Variants in SPATA6 observed in about 807,000 individuals in gnomAD.
SPATA6 encodes spermatogenesis-associated protein 6.
In SPATA6, 56 loss-of-function variants were observed where a neutral mutation model predicts 65.3. The ratio of observed to expected loss-of-function variants is 0.86; its 90% CI spans 0.69 to 1.07. The LOEUF (loss-of-function observed/expected upper bound fraction) is 1.07, where lower values mean the gene tolerates loss of function less well. Among genes scored for constraint, SPATA6 ranks in the 50% least tolerant of loss-of-function variants. SPATA6 has a pLI of 0.00. For synonymous variants in SPATA6, 199 were observed against 213.2 expected, an observed-to-expected ratio of 0.93 and a Z score of 0.58; for missense variants, 590 against 594.8, an observed-to-expected ratio of 0.99 and a Z score of 0.08.
At chr1:48,377,548 T>C (rs897364443) in intron 9 of SPATA6, among the ~76,000 whole-genome samples, 1 of 152,170 alleles carries the variant, frequency 6.6e-6, no homozygotes, top group Non-Finnish European at 1.5e-5. Context: ...TCTCAGTACA[T>C]AATGTCAAAG....
chr1:48,397,955 T>A (rs1466658045), intron 7 of SPATA6, among the ~76,000 whole-genome samples: 1 of 151,668 alleles, frequency 6.6e-6, no homozygotes, highest in African/African-American at 2.4e-5. Context: ...TAATGTGGCT[T>A]ACCCCTAAAA....
chr1:48,412,240 A>G (rs1652314609), intron 4 of SPATA6, among the ~76,000 whole-genome samples: 2 of 152,202 alleles, frequency 1.3e-5, no homozygotes, highest in South Asian at 4.1e-4. Context: ...ATCAGAAATG[A>G]AACTAGCCTC....
At chr1:48,391,574 CT>C (rs1268226759) in intron 8 of SPATA6, among the ~76,000 whole-genome samples, 1 of 152,086 alleles carries the variant, frequency 6.6e-6, no homozygotes, top group African/African-American at 2.4e-5. Flanking sequence ...ACAAATTAAT[CT>C]ATTACTTTGA....
intron 11 of SPATA6, among the ~76,000 whole-genome samples, chr1:48,314,306 G>C (rs1645330869): frequency 6.6e-6 from 1 of 152,080 alleles, no homozygotes; most frequent in Non-Finnish European, 1.5e-5. Flanking sequence ...GCACTCCTCA[G>C]CAAATGTAAA....
At chr1:48,401,099 C>A (rs566025884) in intron 6 of SPATA6, among the ~76,000 whole-genome samples, 4 of 151,972 alleles carry the variant, frequency 2.6e-5, no homozygotes, top group Non-Finnish European at 5.9e-5. Flanking sequence ...TCTGAAAATC[C>A]CTTGCTGACC....
chr1:48,272,848 T>C, the SPATA6 span, among the ~76,000 whole-genome samples: 2 of 152,150 alleles, frequency 1.3e-5, no homozygotes, highest in South Asian at 4.1e-4. Flanking sequence ...TGATATCTCA[T>C]TGTGGTTTTG....
chr1:48,284,865 C>T, the SPATA6 span, among the ~76,000 whole-genome samples: 5 of 152,130 alleles, frequency 3.3e-5, no homozygotes, highest in African/African-American at 9.7e-5. Flanking sequence ...AGGTGTCTGT[C>T]GACCCCTGCT....
intron 11 of SPATA6, among the ~76,000 whole-genome samples, chr1:48,329,428 C>T (rs1645851839): frequency 6.6e-6 from 1 of 151,858 alleles, no homozygotes. Context: ...AAGACTTGTA[C>T]CAGACAAGTA....
At chr1:48,273,370 T>A in the SPATA6 span, among the ~76,000 whole-genome samples, 1 of 152,152 alleles carries the variant, frequency 6.6e-6, no homozygotes, top group Non-Finnish European at 1.5e-5. Context: ...ATACTTTAAG[T>A]TTGGAATACA....
chr1:48,382,462 C>T (rs1648777702), intron 9 of SPATA6, among the ~76,000 whole-genome samples: 1 of 134,978 alleles, frequency 7.4e-6, no homozygotes, highest in East Asian at 2.4e-4. Context: ...GGGCGGGGGG[C>T]TGTCCCCCCC....
intron 3 of SPATA6, among the ~76,000 whole-genome samples, chr1:48,425,350 T>C (rs1653736254): frequency 6.6e-6 from 1 of 152,310 alleles, no homozygotes; most frequent in South Asian, 2.1e-4. Flanking sequence ...CACTGGTCTA[T>C]GTGTCTGCAG....
At chr1:48,328,868 G>C (rs1014691602) in intron 11 of SPATA6, among the ~76,000 whole-genome samples, 1 of 151,764 alleles carries the variant, frequency 6.6e-6, no homozygotes, top group Non-Finnish European at 1.5e-5. Flanking sequence ...GATAAAAGAG[G>C]GTAAATAATT....
chr1:48,302,974 T>G (rs1276351700), intron 12 of SPATA6, among the ~76,000 whole-genome samples: 3 of 151,984 alleles, frequency 2.0e-5, no homozygotes, highest in Non-Finnish European at 2.9e-5. Context: ...CTCCATATAG[T>G]TAGTTATTTC....
At chr1:48,438,028 A>C (rs1655104990) in intron 3 of SPATA6, among the ~76,000 whole-genome samples, 2 of 152,024 alleles carry the variant, frequency 1.3e-5, no homozygotes, top group Non-Finnish European at 2.9e-5. Context: ...GTGGGCGGGG[A>C]CAAATAAAGG....
chr1:48,444,903 A>G (rs1446050391), intron 3 of SPATA6, among the ~76,000 whole-genome samples: 1 of 152,180 alleles, frequency 6.6e-6, no homozygotes, highest in Non-Finnish European at 1.5e-5. Flanking sequence ...CAAGGATCTG[A>G]CCATTTATAG....
At chr1:48,279,265 T>C in the SPATA6 span, among the ~76,000 whole-genome samples, 1 of 152,296 alleles carries the variant, frequency 6.6e-6, no homozygotes, top group Non-Finnish European at 1.5e-5. Flanking sequence ...AGGAAGAAAC[T>C]GCATCAACTA....
At chr1:48,344,715 G>A (rs1230769393) in intron 11 of SPATA6, among the ~76,000 whole-genome samples, 1 of 151,938 alleles carries the variant, frequency 6.6e-6, no homozygotes, top group African/African-American at 2.4e-5. Flanking sequence ...CAGAAATCGG[G>A]ATTGCGATTC....
the SPATA6 span, among the ~76,000 whole-genome samples, chr1:48,265,305 C>A: frequency 6.7e-6 from 1 of 150,330 alleles, no homozygotes; most frequent in Non-Finnish European, 1.5e-5. Context: ...CTGATAATAT[C>A]TGTATTATCA....
intron 12 of SPATA6, among the ~76,000 whole-genome samples, chr1:48,301,722 C>T (rs1455477147): frequency 3.9e-5 from 6 of 152,060 alleles, no homozygotes; most frequent in Non-Finnish European, 1.5e-5. Flanking sequence ...AGAAATAAAT[C>T]CACACATTTA....
Sources: gnomAD v4.1 joint callset for allele counts (sites outside exome capture counted in the v4.1 genomes callset) on GRCh38, gnomAD v4.1.1 for gene constraint, MANE v1.5 for transcripts, NCBI Gene and HGNC (gene_info 2026-07-23, HGNC 2026-07-21) for gene names.